The following MSRB2 variants were observed in gnomAD, a reference collection of about 807,000 sequenced individuals.
MSRB2 encodes the protein methionine-R-sulfoxide reductase B2, mitochondrial.
Under a neutral mutation model 19.0 loss-of-function variants are expected in MSRB2, and 17 were observed. The ratio of observed to expected loss-of-function variants is 0.89; its 90% CI spans 0.61 to 1.34. The LOEUF (loss-of-function observed/expected upper bound fraction) is 1.34. Among genes scored for constraint, MSRB2 ranks in the 40% most tolerant of loss-of-function variants. The probability of loss-of-function intolerance (pLI) is 0.00; values close to 1 mark genes in which losing one functional copy is unlikely to be tolerated. For synonymous variants in MSRB2, 107 were observed against 99.7 expected, an observed-to-expected ratio of 1.07 and a Z score of -0.44; for missense variants, 208 against 237.6, an observed-to-expected ratio of 0.88 and a Z score of 0.82.
rs1253634094 is a variant in MSRB2 at position 23,119,287 on chromosome 10, GT to G, written c.297-14del. ...CAGTGTCATTAGCAGCTGTAGTATCGTTTATGTCTTCCACAGTTCTGAGAAA... is the reference window on the plus strand; with the variant it reads ...CAGTGTCATTAGCAGCTGTAGTATCGTTATGTCTTCCACAGTTCTGAGAAA... On this transcript the variant is annotated splice_polypyrimidine_tract_variant and intron_variant, in intron 3 of 4. Coordinates refer to ENST00000376510, the MANE Select transcript of MSRB2 (RefSeq NM_012228.4). The G allele has an allele frequency of 6.2e-6, 10 of 1,613,004 alleles. No homozygotes were observed. Among genetic ancestry groups the G allele is most frequent in the Non-Finnish European group, 8.5e-6 (10 of 1,179,314 alleles).
At chr10:23,120,244 G>A (rs2131635854) in intron 4 of MSRB2, among the ~76,000 whole-genome samples, 1 of 152,318 alleles carries the variant, frequency 6.6e-6, no homozygotes, top group South Asian at 2.1e-4. Context: ...GAGCCCCGTA[G>A]GAGAGAGTGG....
chr10:23,111,517 A>G (rs2131629600), intron 3 of MSRB2, among the ~76,000 whole-genome samples: 1 of 152,318 alleles, frequency 6.6e-6, no homozygotes, highest in African/African-American at 2.4e-5. Context: ...CTCTTAAATC[A>G]CAGTCTTCAC....
At position 23,110,983 on chromosome 10, in the gene MSRB2, C is replaced by T. The variant is rs79409596; in HGVS notation, c.296+665C>T. Among the ~76,000 whole-genome samples the T allele has an allele frequency of 4.5e-4, 68 of 152,234 alleles. 1 individual carries two copies. The East Asian group carries it at 0.013, about 29-fold the overall frequency. On this transcript the variant is annotated intron_variant, in intron 3 of 4. Coordinates refer to ENST00000376510, the MANE Select transcript of MSRB2 (RefSeq NM_012228.4). ...ATCTTTGAAGTCCTATTTTTCAGAA[C>T]TTCAAAGATGTTTTCCTTTCTTTTG...
rs540112933 is a variant in MSRB2, at chr10:23,096,020, G to A, written c.118+294G>A. On this transcript the variant is annotated intron_variant, in intron 1 of 4. Coordinates refer to ENST00000376510, the MANE Select transcript of MSRB2 (RefSeq NM_012228.4). ...CTCGGGGAGTGGGGGCATAAGTGGGGCTCGGGGGCCTCTGACCCCTATCGG... is the reference window on the plus strand; with the variant it reads ...CTCGGGGAGTGGGGGCATAAGTGGGACTCGGGGGCCTCTGACCCCTATCGG... Among the ~76,000 whole-genome samples the A allele has an allele frequency of 1.9e-3, 284 of 152,026 alleles. 3 individuals carry two copies. The highest frequency in any genetic ancestry group is 6.5e-3 in the African/African-American group (271 of 41,480).
At chr10:23,097,085 T>C (rs1284551421) in intron 1 of MSRB2, among the ~76,000 whole-genome samples, 1 of 152,220 alleles carries the variant, frequency 6.6e-6, no homozygotes, top group Admixed American at 6.5e-5. Flanking sequence ...CAAAGAGATA[T>C]ATGCAAAGAT....
At chr10:23,111,809 CTTAAATTTAATTTTAATTAATT>C in intron 3 of MSRB2, among the ~76,000 whole-genome samples, 1 of 147,406 alleles carries the variant, frequency 6.8e-6, no homozygotes, top group African/African-American at 2.5e-5. Context: ...TTAATTTAAA[CTTAAATTTAATTTTAATTAATT>C]TAAACTTAAA....
intron 1 of MSRB2, among the ~76,000 whole-genome samples, chr10:23,099,266 A>G (rs892529111): frequency 6.6e-5 from 10 of 152,154 alleles, no homozygotes; most frequent in African/African-American, 2.4e-4. Flanking sequence ...GGTGTACCCA[A>G]CTGAGCGTTC....
At chr10:23,120,623 G>C (rs554400288) in intron 4 of MSRB2, 135 bp from the exon 5 acceptor site, 1 of 547,042 alleles carries the variant, frequency 1.8e-6, no homozygotes, top group Non-Finnish European at 3.3e-6. Context: ...ATTGAATTCG[G>C]ATGCAATAGA....
chr10:23,098,533 G>A (rs1839891811), intron 1 of MSRB2, among the ~76,000 whole-genome samples: 1 of 152,210 alleles, frequency 6.6e-6, no homozygotes, highest in South Asian at 2.1e-4. Context: ...TCATAGTGAA[G>A]ATAGCAAGAG....
chr10:23,106,554 A>C lies in MSRB2; in HGVS notation c.219+2310A>C, dbSNP rs567730466. ...CTCCCTTTCCCCCAGCTATTGATTCAGTTTAGCCAGTGGGAGACAACAGTG... is the reference window on the plus strand; with the variant it reads ...CTCCCTTTCCCCCAGCTATTGATTCCGTTTAGCCAGTGGGAGACAACAGTG... On this transcript the variant is annotated intron_variant, in intron 2 of 4. Coordinates refer to ENST00000376510, the MANE Select transcript of MSRB2 (RefSeq NM_012228.4). Among the ~76,000 whole-genome samples the C allele has an allele frequency of 2.0e-5, 3 of 152,292 alleles. No individual in the cohort carries two copies. The South Asian group carries it at 6.2e-4, about 32-fold the overall frequency.
In MSRB2 at chr10:23,119,560, G is replaced by T; in HGVS notation, c.444+109G>T. On this transcript the variant is annotated intron_variant, in intron 4 of 4. Transcript: ENST00000376510. ...TCCTTTTATAGGGGTACTTTCTTTT[G>T]TCTTCAGAACACATGGGGTTTCTTT... 16 of 1,318,304 alleles carry T rather than the reference G, an allele frequency of 1.2e-5. No homozygotes were observed. The South Asian group carries it at 1.8e-4, about 14-fold the overall frequency. The allele number at this position is 1,318,304 out of a possible 1,614,324, so 81.7% of individuals were successfully genotyped here.
In MSRB2 at chr10:23,112,222, G is replaced by A. The variant is rs141619348; in HGVS notation, c.296+1904G>A. On this transcript the variant is annotated intron_variant, in intron 3 of 4. Coordinates refer to ENST00000376510, the MANE Select transcript of MSRB2 (RefSeq NM_012228.4). ...ATTTTGCATTCTTAAAGACTTCTGA[G>A]TTTGTTTCTCTTCCCCTTTCCTGTT... Among the ~76,000 whole-genome samples, 622 of 152,314 alleles carry A rather than the reference G, an allele frequency of 4.1e-3. 7 individuals carry two copies. Among genetic ancestry groups the A allele is most frequent in the African/African-American group, 0.014 (569 of 41,558 alleles).
At chr10:23,098,774 T>C (rs1364100457) in intron 1 of MSRB2, among the ~76,000 whole-genome samples, 1 of 152,244 alleles carries the variant, frequency 6.6e-6, no homozygotes, top group Non-Finnish European at 1.5e-5. Flanking sequence ...TTACTCATAC[T>C]GTAATTTTTA....
chr10:23,119,382 C>A lies in MSRB2; in HGVS notation c.375C>A (p.Ser125Arg), dbSNP rs760223127. ...ATGGTACGTCTGGCTCTGATGAAAG[C>A]CACACAGGGATCCTGAGACGTCTGG... ...EAHGTSGSDE[S>R]HTGILRRLDT... The change falls in exon 4 of 5, where the codon AGC becomes AGA. Residue 125 changes from serine to arginine, a missense_variant. Coordinates refer to ENST00000376510, the MANE Select transcript of MSRB2 (RefSeq NM_012228.4). 4 of 1,613,996 alleles carry A rather than the reference C, an allele frequency of 2.5e-6. No homozygotes were observed. The highest frequency in any genetic ancestry group is 3.4e-6 in the Non-Finnish European group (4 of 1,180,006).
At chr10:23,104,796 C>T (rs768221439) in intron 2 of MSRB2, among the ~76,000 whole-genome samples, 55 of 152,130 alleles carry the variant, frequency 3.6e-4, no homozygotes, top group Admixed American at 1.1e-3. Flanking sequence ...CCCTGGGCTC[C>T]CTTCTCTTTT....
At chr10:23,119,007 A>C (rs576747630) in intron 3 of MSRB2, 5 of 522,766 alleles carry the variant, frequency 9.6e-6, no homozygotes, top group African/African-American at 9.5e-5. Context: ...TGTGTTACCT[A>C]ATATGCAACA....
chr10:23,100,498 T>C (rs921101865), intron 1 of MSRB2, among the ~76,000 whole-genome samples: 6 of 152,124 alleles, frequency 3.9e-5, no homozygotes, highest in African/African-American at 1.4e-4. Context: ...TTTAATTGGC[T>C]TACGGTTCCA....
chr10:23,099,429 T>C (rs1490685164), intron 1 of MSRB2, among the ~76,000 whole-genome samples: 1 of 152,212 alleles, frequency 6.6e-6, no homozygotes, highest in Non-Finnish European at 1.5e-5. Flanking sequence ...ACATTAAAAA[T>C]AGTGTAAAAG....
chr10:23,109,805 C>A (rs1037598816), intron 2 of MSRB2, among the ~76,000 whole-genome samples: 2 of 152,196 alleles, frequency 1.3e-5, no homozygotes, highest in African/African-American at 4.8e-5. Context: ...TGCCTGATCT[C>A]ACTGAACTAT....
Sources: gnomAD v4.1 joint callset for allele counts (sites outside exome capture counted in the v4.1 genomes callset) on GRCh38, gnomAD v4.1.1 for gene constraint, MANE v1.5 for transcripts, NCBI Gene and HGNC (gene_info 2026-07-23, HGNC 2026-07-21) for gene names.